Variants in RERE observed in about 807,000 individuals in gnomAD.
RERE encodes the protein arginine-glutamic acid dipeptide repeats.
Under a neutral mutation model 146.1 loss-of-function variants are expected in RERE, and 40 were observed. The ratio of observed to expected loss-of-function variants is 0.27; its 90% CI spans 0.21 to 0.36. The LOEUF (loss-of-function observed/expected upper bound fraction) is 0.36. RERE is among the 10% of genes least tolerant of loss of function. The pLI, the probability that RERE is intolerant of heterozygous loss-of-function variation, is 1.00. For synonymous variants in RERE, 1,003 were observed against 866.0 expected, an observed-to-expected ratio of 1.16 and a Z score of -2.78; for missense variants, 1,933 against 2,138.7, an observed-to-expected ratio of 0.90 and a Z score of 1.90.
chr1:8,453,278 T>C (rs1644410084), intron 11 of RERE, among the ~76,000 whole-genome samples: 1 of 152,186 alleles, frequency 6.6e-6, no homozygotes, highest in African/African-American at 2.4e-5. Flanking sequence ...GAGAATTTCA[T>C]TTCCATGGAC....
intron 4 of RERE, among the ~76,000 whole-genome samples, chr1:8,580,544 T>C (rs1042393895): frequency 1.3e-5 from 2 of 152,244 alleles, no homozygotes; most frequent in African/African-American, 4.8e-5. Flanking sequence ...CTAATATGCA[T>C]TGGACTTTTT....
intron 11 of RERE, chr1:8,429,878 G>T (rs1278738937): frequency 6.6e-6 from 1 of 152,476 alleles, no homozygotes; most frequent in Non-Finnish European, 1.5e-5. Flanking sequence ...GCTCCCCCGA[G>T]GAGACACACA....
At position 8,360,786 on chromosome 1, in the gene RERE, C is replaced by A; in HGVS notation, c.2721G>T (p.Leu907=). ...SLQLPASQSA[L]QSQQPPREQP... The stretch of plus-strand genomic sequence containing the variant: ...GCTCCCGTGGAGGCTGTTGGGACTG[C>A]AGCGCTGACTGAGAGGCTGGCAGCT... The change falls in exon 18 of 23, where the codon CTG becomes CTT. Residue 907 remains leucine (L), a synonymous_variant. Coordinates refer to ENST00000400908, the MANE Select transcript of RERE (RefSeq NM_001042681.2). 6.3e-7 allele frequency: 1 copy of A among 1,590,558 alleles called. No homozygotes were observed. Among genetic ancestry groups the A allele is most frequent in the Non-Finnish European group, 8.5e-7 (1 of 1,173,580 alleles).
chr1:8,680,556 GGAAA>G (rs1479296658), intron 1 of RERE, among the ~76,000 whole-genome samples: 2 of 152,104 alleles, frequency 1.3e-5, no homozygotes, highest in Non-Finnish European at 2.9e-5. Flanking sequence ...TATGGATGGG[GGAAA>G]GAAAGGAAAA....
At chr1:8,790,693 C>T (rs1641348598) in intron 1 of RERE, among the ~76,000 whole-genome samples, 2 of 152,238 alleles carry the variant, frequency 1.3e-5, no homozygotes, top group Non-Finnish European at 1.5e-5. Context: ...AAGCAATTCT[C>T]GTACCTCGGC....
intron 12 of RERE, among the ~76,000 whole-genome samples, chr1:8,418,625 T>C (rs1046346778): frequency 1.1e-4 from 16 of 152,214 alleles, no homozygotes; most frequent in African/African-American, 3.6e-4. Context: ...AGTCTTTGGT[T>C]CAAATAACTG....
At chr1:8,617,824 G>T (rs1646872476) in intron 3 of RERE, among the ~76,000 whole-genome samples, 1 of 152,166 alleles carries the variant, frequency 6.6e-6, no homozygotes, top group South Asian at 2.1e-4. Flanking sequence ...AAAATGTTAT[G>T]ACTTTGGCTA....
chr1:8,608,686 T>A (rs1646752342), intron 4 of RERE, among the ~76,000 whole-genome samples: 1 of 152,236 alleles, frequency 6.6e-6, no homozygotes, highest in Non-Finnish European at 1.5e-5. Flanking sequence ...GGCATTTAAA[T>A]CGTAGGCAGT....
Position 8,748,950 on chromosome 1 carries a change from C to A in RERE, c.-145+68210G>T, listed in dbSNP as rs535804104. ...GGTCTCTATTCTGGTATTTCATAGG[C>A]ATGGGGGACAGTGATGATGGTAATA... On this transcript the variant is annotated intron_variant, in intron 1 of 22. Coordinates refer to ENST00000400908, the MANE Select transcript of RERE (RefSeq NM_001042681.2). Among the ~76,000 whole-genome samples the A allele has an allele frequency of 1.1e-3, 160 of 152,196 alleles. 1 individual carries two copies. The highest frequency in any genetic ancestry group is 1.7e-3 in the Non-Finnish European group (114 of 68,008).
At chr1:8,542,481 T>A (rs1364198125) in intron 6 of RERE, among the ~76,000 whole-genome samples, 3 of 151,960 alleles carry the variant, frequency 2.0e-5, no homozygotes, top group Non-Finnish European at 4.4e-5. Context: ...ACCAAGAAAT[T>A]AAAAAGCAAG....
intron 4 of RERE, among the ~76,000 whole-genome samples, chr1:8,568,972 A>C: frequency 6.6e-6 from 1 of 152,174 alleles, no homozygotes; most frequent in East Asian, 1.9e-4. Flanking sequence ...TTGAAGGGTC[A>C]ATTTGGCAAG....
chr1:8,581,467 C>T, intron 4 of RERE, among the ~76,000 whole-genome samples: 1 of 152,238 alleles, frequency 6.6e-6, no homozygotes, highest in Non-Finnish European at 1.5e-5. Context: ...TTGATGAATT[C>T]CAATTTTTTT....
rs1307540697 is a variant in RERE at position 8,502,443 on chromosome 1, C to T, written c.880-4914G>A. On this transcript the variant is annotated intron_variant, in intron 8 of 22. Coordinates refer to ENST00000400908, the MANE Select transcript of RERE (RefSeq NM_001042681.2). Reference sequence around the variant, plus strand: ...TGAGGAGCCCCTCTGCCTGGCCAGCCGCCCCGTCCGGGAGGGTGGTGGGGG... The same window carrying T: ...TGAGGAGCCCCTCTGCCTGGCCAGCTGCCCCGTCCGGGAGGGTGGTGGGGG... Among the ~76,000 whole-genome samples the T allele has an allele frequency of 9.3e-5, 11 of 117,676 alleles. 1 individual carries two copies. The highest frequency in any genetic ancestry group is 2.9e-4 in the South Asian group (1 of 3,464). The allele number at this position is 117,676 out of a possible 152,430, so 77.2% of individuals were successfully genotyped here.
intron 4 of RERE, among the ~76,000 whole-genome samples, chr1:8,611,709 A>G (rs1315758884): frequency 6.6e-6 from 1 of 152,216 alleles, no homozygotes. Context: ...TGCAGCCAAC[A>G]TGAGTCCTCT....
intron 7 of RERE, chr1:8,525,848 G>C (rs1028642374): frequency 6.6e-7 from 1 of 1,515,012 alleles, no homozygotes; most frequent in Non-Finnish European, 8.8e-7. Context: ...CTAAAACTCT[G>C]CCCTTTTCTA....
chr1:8,377,911 A>T (rs1031351470), intron 12 of RERE, among the ~76,000 whole-genome samples: 1 of 152,188 alleles, frequency 6.6e-6, no homozygotes, highest in Non-Finnish European at 1.5e-5. Context: ...GAGCTCAGAA[A>T]AGATAGTTAG....
intron 10 of RERE, among the ~76,000 whole-genome samples, chr1:8,478,854 T>G (rs1172505005): frequency 1.3e-5 from 2 of 151,830 alleles, no homozygotes; most frequent in African/African-American, 4.8e-5. Context: ...GGACCCAGAG[T>G]TTTGAGGGGC....
At chr1:8,450,183 T>C (rs1223993034) in intron 11 of RERE, among the ~76,000 whole-genome samples, 1 of 152,132 alleles carries the variant, frequency 6.6e-6, no homozygotes, top group Non-Finnish European at 1.5e-5. Flanking sequence ...GAATATATTC[T>C]ACAGCCAACA....
intron 1 of RERE, among the ~76,000 whole-genome samples, chr1:8,816,241 T>C (rs1260113203): frequency 6.6e-6 from 1 of 151,396 alleles, no homozygotes; most frequent in Non-Finnish European, 1.5e-5. Context: ...AGTTATCTTT[T>C]TTTGCGTTTA....
Sources: gnomAD v4.1 joint callset for allele counts (sites outside exome capture counted in the v4.1 genomes callset) on GRCh38, gnomAD v4.1.1 for gene constraint, MANE v1.5 for transcripts, NCBI Gene and HGNC (gene_info 2026-07-23, HGNC 2026-07-21) for gene names.